The following STPG2 variants were observed in gnomAD, a reference collection of about 807,000 sequenced individuals.
STPG2 encodes the protein sperm-tail PG-rich repeat-containing protein 2.
In STPG2, 56 loss-of-function variants were observed where a neutral mutation model predicts 54.2. The ratio of observed to expected loss-of-function variants is 1.03; its 90% CI spans 0.83 to 1.29. The LOEUF is 1.29. Ranked by LOEUF, STPG2 falls within the 50% of genes most tolerant of loss-of-function variation. STPG2 has a pLI of 0.00. For synonymous variants in STPG2, 200 were observed against 181.8 expected, an observed-to-expected ratio of 1.10 and a Z score of -0.81; for missense variants, 596 against 544.9, an observed-to-expected ratio of 1.09 and a Z score of -0.93.
intron 7 of STPG2, among the ~76,000 whole-genome samples, chr4:97,956,071 A>G (rs1290003647): frequency 6.6e-6 from 1 of 151,796 alleles, no homozygotes; most frequent in Non-Finnish European, 1.5e-5. Flanking sequence ...TAAAAAAAGT[A>G]ATCCACACAA....
intron 4 of STPG2, among the ~76,000 whole-genome samples, chr4:97,463,217 G>A (rs180965600): frequency 3.9e-5 from 6 of 151,958 alleles, no homozygotes; most frequent in East Asian, 1.9e-4. Context: ...TATTGTAACC[G>A]ATACCTCACA....
In STPG2 at chr4:97,539,128, C is replaced by T. The variant is rs559761964; in HGVS notation, c.462+173571G>A. Among the ~76,000 whole-genome samples, 631 of 152,314 alleles carry T rather than the reference C, an allele frequency of 4.1e-3. 3 individuals carry two copies. Among genetic ancestry groups the T allele is most frequent in the South Asian group, 0.02 (98 of 4,832 alleles). ...GACCATCAATGCTAGGAAGAAACTGCATCAACTAACGAGCAAAATAACCAG... is the reference window on the plus strand; with the variant it reads ...GACCATCAATGCTAGGAAGAAACTGTATCAACTAACGAGCAAAATAACCAG... On this transcript the variant is annotated intron_variant, in intron 4 of 4. Coordinates refer to the STPG2 transcript ENST00000522676.
intron 4 of STPG2, among the ~76,000 whole-genome samples, chr4:97,520,645 C>A (rs1274873633): frequency 6.6e-6 from 1 of 151,982 alleles, no homozygotes; most frequent in African/African-American, 2.4e-5. Flanking sequence ...ACCCAACCTG[C>A]CAAGACAGTT....
At chr4:98,108,485 T>C (rs1240140422) in intron 4 of STPG2, among the ~76,000 whole-genome samples, 1 of 152,156 alleles carries the variant, frequency 6.6e-6, no homozygotes, top group Non-Finnish European at 1.5e-5. Context: ...TCTTCATAAA[T>C]ATTCTCGGAC....
chr4:97,850,299 A>AAAATAAATAAATAAAT (rs35675294), intron 8 of STPG2, among the ~76,000 whole-genome samples: 8,638 of 106,706 alleles, frequency 0.081, 450 homozygotes, highest in African/African-American at 0.13. Flanking sequence ...GAGGGAAAGA[A>AAAATAAATAAATAAAT]AAATAAATAA....
intron 8 of STPG2, among the ~76,000 whole-genome samples, chr4:97,894,871 T>G (rs139975553): frequency 5.9e-5 from 9 of 152,032 alleles, no homozygotes; most frequent in Admixed American, 2.0e-4. Context: ...TTTCTAAATT[T>G]GTTTTAAAAA....
At chr4:97,730,497 G>T (rs568478624) in intron 9 of STPG2, among the ~76,000 whole-genome samples, 1 of 152,174 alleles carries the variant, frequency 6.6e-6, no homozygotes, top group African/African-American at 2.4e-5. Context: ...GGAATGATTT[G>T]TTTTCCTTTG....
At chr4:97,538,190 C>G (rs181280312) in intron 4 of STPG2, among the ~76,000 whole-genome samples, 1 of 152,158 alleles carries the variant, frequency 6.6e-6, no homozygotes, top group Non-Finnish European at 1.5e-5. Flanking sequence ...CAAAGCTGGA[C>G]GGAGAATGAC....
At chr4:97,928,061 A>G (rs145799172) in intron 8 of STPG2, among the ~76,000 whole-genome samples, 1 of 152,272 alleles carries the variant, frequency 6.6e-6, no homozygotes, top group African/African-American at 2.4e-5. Flanking sequence ...GGTAAGTAGA[A>G]AGGGTAAATT....
At chr4:97,852,060 A>T (rs1419045265) in intron 8 of STPG2, among the ~76,000 whole-genome samples, 1 of 152,226 alleles carries the variant, frequency 6.6e-6, no homozygotes, top group Non-Finnish European at 1.5e-5. Flanking sequence ...TTCTTTAAAA[A>T]GGACATAATT....
chr4:97,659,048 A>G (rs1047627338), intron 10 of STPG2, among the ~76,000 whole-genome samples: 4 of 152,164 alleles, frequency 2.6e-5, no homozygotes, highest in African/African-American at 9.6e-5. Context: ...TGATTCCTAC[A>G]GTAAATATTA....
At chr4:97,593,499 CA>C (rs557622449) in intron 10 of STPG2, among the ~76,000 whole-genome samples, 33 of 152,266 alleles carry the variant, frequency 2.2e-4, no homozygotes, top group Admixed American at 2.0e-3. Context: ...CGGATGCCAA[CA>C]ACCCCACCTC....
chr4:97,921,239 T>G (rs1359666715), intron 8 of STPG2, among the ~76,000 whole-genome samples: 1 of 152,014 alleles, frequency 6.6e-6, no homozygotes, highest in Non-Finnish European at 1.5e-5. Context: ...GGCCTCAGGC[T>G]CCAGGCCCAC....
chr4:97,571,817 T>C (rs952267412), intron 10 of STPG2, among the ~76,000 whole-genome samples: 3 of 152,204 alleles, frequency 2.0e-5, no homozygotes, highest in African/African-American at 7.2e-5. Flanking sequence ...CATTCATATT[T>C]GGCTCACAAT....
At chr4:97,968,908 G>T (rs1361479309) in intron 7 of STPG2, among the ~76,000 whole-genome samples, 1 of 152,190 alleles carries the variant, frequency 6.6e-6, no homozygotes, top group Non-Finnish European at 1.5e-5. Flanking sequence ...GAGAGCCTAT[G>T]AACGGATGTG....
intron 8 of STPG2, among the ~76,000 whole-genome samples, chr4:97,849,067 T>C (rs924896812): frequency 6.6e-6 from 1 of 151,426 alleles, no homozygotes; most frequent in Non-Finnish European, 1.5e-5. Flanking sequence ...GGGGATGGCA[T>C]TGAATATGTA....
chr4:98,089,405 G>T (rs1480900782), intron 5 of STPG2, among the ~76,000 whole-genome samples: 3 of 151,818 alleles, frequency 2.0e-5, no homozygotes, highest in Admixed American at 2.0e-4. Flanking sequence ...TTGCTATGTA[G>T]TATTCCATGG....
chr4:97,981,194 C>A lies in STPG2; in HGVS notation c.737G>T (p.Arg246Leu). The change falls in exon 6 of 11, where the codon CGA becomes CTA. Residue 246 changes from arginine to leucine, a missense_variant. Transcript: ENST00000295268. ...CTCTGTCCTGATGTCCTGTGTGAAT[C>A]GAACAGCACTTTGACCAAATGGAAT... is the stretch of plus-strand genomic sequence containing the variant. ...KNIPFGQSAV[R>L]FTQDIRTEEM... 6.2e-7 allele frequency: 1 copy of A among 1,613,926 alleles called. No homozygotes were observed.
chr4:97,952,628 C>T (rs1733514742), intron 7 of STPG2, among the ~76,000 whole-genome samples: 1 of 152,130 alleles, frequency 6.6e-6, no homozygotes, highest in Non-Finnish European at 1.5e-5. Flanking sequence ...GTAACAGTTC[C>T]TCAAGTCTCC....
Sources: gnomAD v4.1 joint callset for allele counts (sites outside exome capture counted in the v4.1 genomes callset) on GRCh38, gnomAD v4.1.1 for gene constraint, MANE v1.5 for transcripts, NCBI Gene and HGNC (gene_info 2026-07-23, HGNC 2026-07-21) for gene names.